Variants in DLGAP1 observed in about 807,000 individuals in gnomAD.
DLGAP1 encodes the protein DLG associated protein 1, also known as disks large-associated protein 1.
A neutral mutation model predicts 90.8 loss-of-function variants in DLGAP1; 11 were observed. That is an observed-to-expected ratio of 0.12 (90% CI 0.08 to 0.20). DLGAP1 has a LOEUF of 0.20. Among genes scored for constraint, DLGAP1 ranks in the 10% least tolerant of loss-of-function variants. The pLI is 1.00. For synonymous variants in DLGAP1, 558 were observed against 540.7 expected (o/e 1.03, Z -0.44); for missense variants, 1,050 against 1,333.8 (o/e 0.79, Z 3.31).
At chr18:3,705,519 G>A (rs2061405393) in intron 7 of DLGAP1, among the ~76,000 whole-genome samples, 1 of 151,666 alleles carries the variant, frequency 6.6e-6, no homozygotes, top group Admixed American at 6.6e-5. Flanking sequence ...AGGCTACTCT[G>A]CCCAAACCAT....
chr18:4,193,262 G>A (rs1317665134), intron 1 of DLGAP1, among the ~76,000 whole-genome samples: 1 of 152,154 alleles, frequency 6.6e-6, no homozygotes, highest in Non-Finnish European at 1.5e-5. Context: ...GGCCAGCTCT[G>A]GCTAGAATTC....
intron 4 of DLGAP1, among the ~76,000 whole-genome samples, chr18:3,825,062 T>C (rs942699459): frequency 6.6e-6 from 1 of 152,214 alleles, no homozygotes; most frequent in Non-Finnish European, 1.5e-5. Context: ...AAGATATCTA[T>C]AATGAACAGA....
intron 4 of DLGAP1, among the ~76,000 whole-genome samples, chr18:3,860,673 T>A (rs1299643310): frequency 2.0e-5 from 3 of 152,160 alleles, no homozygotes; most frequent in African/African-American, 7.2e-5. Flanking sequence ...AGACAGAATT[T>A]TGGCTCCCAT....
chr18:4,082,813 GCTT>G (rs1195792039), intron 2 of DLGAP1, among the ~76,000 whole-genome samples: 5 of 152,026 alleles, frequency 3.3e-5, no homozygotes, highest in Admixed American at 6.6e-5. Context: ...GGTCTGTCTG[GCTT>G]CTTTGCTAAG....
At chr18:4,180,912 G>C (rs1001106063) in intron 1 of DLGAP1, among the ~76,000 whole-genome samples, 1 of 152,182 alleles carries the variant, frequency 6.6e-6, no homozygotes, top group Non-Finnish European at 1.5e-5. Flanking sequence ...AGTCTAGAAA[G>C]AAGGCCAGGC....
intron 7 of DLGAP1, among the ~76,000 whole-genome samples, chr18:3,633,401 C>CA (rs60320308): frequency 0.028 from 1,707 of 61,360 alleles, 10 homozygotes; most frequent in South Asian, 0.047. Context: ...GACTTCATCT[C>CA]AAAAAAAAAA....
At chr18:4,292,734 T>C (rs924304202) in intron 1 of DLGAP1, among the ~76,000 whole-genome samples, 2 of 152,138 alleles carry the variant, frequency 1.3e-5, no homozygotes, top group African/African-American at 4.8e-5. Context: ...CCAGATAGAA[T>C]TTCAAGGGTA....
chr18:3,880,174 C>A, intron 3 of DLGAP1, 34 bp from the exon 4 acceptor site: 1 of 1,043,536 alleles, frequency 9.6e-7, no homozygotes, highest in Non-Finnish European at 1.4e-6. Context: ...AAGTCGTTAA[C>A]ATTTCTCTTG....
intron 3 of DLGAP1, among the ~76,000 whole-genome samples, chr18:3,989,347 T>C (rs757325043): frequency 5.3e-5 from 8 of 152,200 alleles, no homozygotes; most frequent in Non-Finnish European, 1.2e-4. Flanking sequence ...CTAATTCCTG[T>C]AGCCTTTACG....
At chr18:3,664,056 A>G (rs1359817209) in intron 7 of DLGAP1, among the ~76,000 whole-genome samples, 1 of 152,046 alleles carries the variant, frequency 6.6e-6, no homozygotes, top group Non-Finnish European at 1.5e-5. Context: ...AACTTACACA[A>G]TTGTTCTCCA....
chr18:3,501,138 G>A (rs767935231), intron 12 of DLGAP1, among the ~76,000 whole-genome samples: 26 of 150,960 alleles, frequency 1.7e-4, no homozygotes, highest in Non-Finnish European at 3.8e-4. Flanking sequence ...GGCTGGTTTT[G>A]AACTCCTGGA....
chr18:4,354,931 C>T (rs548985910), intron 1 of DLGAP1, among the ~76,000 whole-genome samples: 7 of 107,852 alleles, frequency 6.5e-5, no homozygotes, highest in Non-Finnish European at 1.2e-4. Flanking sequence ...AAAATCCTCT[C>T]TACACACACA....
chr18:4,434,463 T>G (rs1366739192), intron 1 of DLGAP1, among the ~76,000 whole-genome samples: 1 of 152,196 alleles, frequency 6.6e-6, no homozygotes, highest in East Asian at 1.9e-4. Context: ...GCTCAAATTC[T>G]AAAAACAGCC....
intron 10 of DLGAP1, among the ~76,000 whole-genome samples, chr18:3,523,259 C>T (rs1347192392): frequency 1.3e-5 from 2 of 151,802 alleles, no homozygotes; most frequent in Non-Finnish European, 1.5e-5. Flanking sequence ...TGCCTGTAAT[C>T]CCAGCTACTC....
chr18:3,818,279 C>T (rs2067203488), intron 4 of DLGAP1, among the ~76,000 whole-genome samples: 3 of 151,178 alleles, frequency 2.0e-5, no homozygotes, highest in Admixed American at 2.0e-4. Flanking sequence ...AAGACCTGCC[C>T]TTGACTAAGA....
At chr18:4,245,642 G>A (rs540933404) in intron 1 of DLGAP1, among the ~76,000 whole-genome samples, 2 of 152,210 alleles carry the variant, frequency 1.3e-5, no homozygotes, top group Non-Finnish European at 1.5e-5. Flanking sequence ...AGAGCAATTC[G>A]TTGACCTTAC....
At chr18:3,880,959 A>G (rs1451002870) in intron 3 of DLGAP1, among the ~76,000 whole-genome samples, 4 of 150,486 alleles carry the variant, frequency 2.7e-5, no homozygotes, top group Admixed American at 1.3e-4. Context: ...AAAAAAAAAA[A>G]AAAAAAAAGA....
At chr18:4,105,360 TC>T (rs2075841813) in intron 2 of DLGAP1, among the ~76,000 whole-genome samples, 1 of 152,350 alleles carries the variant, frequency 6.6e-6, no homozygotes, top group South Asian at 2.1e-4. Flanking sequence ...AAATGCCATT[TC>T]TTTGGGGAAA....
At chr18:3,519,412 T>A (rs575021709) in intron 10 of DLGAP1, among the ~76,000 whole-genome samples, 53 of 152,256 alleles carry the variant, frequency 3.5e-4, no homozygotes, top group African/African-American at 1.0e-3. Context: ...TGCAATGTAT[T>A]TGGTTACCTC....
Sources: allele counts gnomAD v4.1 joint callset (sites outside exome capture counted in the v4.1 genomes callset), GRCh38; gene constraint gnomAD v4.1.1; transcripts MANE v1.5; gene names NCBI Gene and HGNC (gene_info 2026-07-23, HGNC 2026-07-21).